Variants in PACRGL observed in about 807,000 individuals in gnomAD.
The protein encoded by PACRGL is PACRG-like protein.
In PACRGL, 38 loss-of-function variants were observed where a neutral mutation model predicts 34.5. The ratio of observed to expected loss-of-function variants is 1.10; its 90% confidence interval spans 0.85 to 1.44. The LOEUF (loss-of-function observed/expected upper bound fraction) is 1.44, where lower values mean the gene tolerates loss of function less well. PACRGL is among the 40% of genes most tolerant of loss of function. The pLI, the probability that PACRGL is intolerant of heterozygous loss-of-function variation, is 0.00. For synonymous variants in PACRGL, 128 were observed against 100.1 expected, an observed-to-expected ratio of 1.28 and a Z score of -1.66; for missense variants, 305 against 281.4, an observed-to-expected ratio of 1.08 and a Z score of -0.60.
intron 7 of PACRGL, among the ~76,000 whole-genome samples, chr4:20,719,951 T>A (rs377545403): frequency 2.0e-5 from 3 of 152,032 alleles, no homozygotes; most frequent in Non-Finnish European, 2.9e-5. Flanking sequence ...CCCATTATTA[T>A]TGTGTGGGAG....
chr4:20,766,272 T>C, the PACRGL span, among the ~76,000 whole-genome samples: 8 of 152,180 alleles, frequency 5.3e-5, no homozygotes, highest in African/African-American at 1.9e-4. Context: ...CTTGAGAGTT[T>C]AAAGCAACTT....
chr4:20,755,690 C>T (rs1238967271), downstream of PACRGL, among the ~76,000 whole-genome samples: 1 of 151,996 alleles, frequency 6.6e-6, no homozygotes, highest in East Asian at 1.9e-4. Flanking sequence ...TAAGGTGTTG[C>T]AATTTAAGAT....
chr4:20,734,153 G>A (rs905678946), downstream of PACRGL, among the ~76,000 whole-genome samples: 7 of 152,060 alleles, frequency 4.6e-5, no homozygotes, highest in African/African-American at 1.7e-4. Flanking sequence ...TGTGTAATAC[G>A]AGTATCTTAA....
At chr4:20,699,516 C>T (rs529051024), upstream of PACRGL, among the ~76,000 whole-genome samples, 1 of 152,096 alleles carries the variant, frequency 6.6e-6, no homozygotes, top group South Asian at 2.1e-4. Flanking sequence ...AGTTAAAATC[C>T]TTATCCTGAG....
chr4:20,736,457 TATG>T (rs2149282156), downstream of PACRGL, among the ~76,000 whole-genome samples: 1 of 152,350 alleles, frequency 6.6e-6, no homozygotes, highest in Non-Finnish European at 1.5e-5. Context: ...TTGATTTCTG[TATG>T]ATAATTTTAT....
In PACRGL at chr4:20,729,993, A is replaced by AGCAATCTATGCTAAAAGTGGTAGCTC. The variant is rs1312970178; in HGVS notation, c.*2653_*2678dup. On this transcript the variant is annotated 3_prime_UTR_variant, in exon 9 of 9. Transcript: ENST00000503585. ...CATAATATGCTTCAGTGTCAAGCTG[A>AGCAATCTATGCTAAAAGTGGTAGCTC]GCAATCTATGCTAAAAGTGGTAGCT... 1.4e-6 allele frequency: 2 copies of AGCAATCTATGCTAAAAGTGGTAGCTC among 1,448,230 alleles called. No homozygotes were observed. The highest frequency in any genetic ancestry group is 2.9e-5 in the African/African-American group (2 of 69,756). The allele number at this position is 1,448,230 out of a possible 1,614,324, so 89.7% of individuals were successfully genotyped here. A position where few individuals can be genotyped will look rare whatever the true frequency, so the allele number is the denominator to read the frequency against.
At chr4:20,753,271 C>T, downstream of PACRGL, among the ~76,000 whole-genome samples, 1 of 152,080 alleles carries the variant, frequency 6.6e-6, no homozygotes, top group East Asian at 1.9e-4. Flanking sequence ...ATTCCTATAC[C>T]ATCTCTTAGA....
intron 5 of PACRGL, among the ~76,000 whole-genome samples, chr4:20,711,290 T>C (rs1231586705): frequency 1.3e-5 from 2 of 152,178 alleles, no homozygotes; most frequent in Non-Finnish European, 2.9e-5. Flanking sequence ...AAAGTCAGCC[T>C]TTTATATACC....
chr4:20,732,062 C>G lies in PACRGL; in HGVS notation c.*4721C>G. 1.2e-6 allele frequency: 2 copies of G among 1,604,140 alleles called. No homozygotes were observed. Among genetic ancestry groups the G allele is most frequent in the Non-Finnish European group, 1.7e-6 (2 of 1,176,750 alleles). ...GTAACAACCCCATCTTTATTTTTGT[C>G]CATTTTCTGTTCAGGAAGAAAACAA... is the stretch of plus-strand genomic sequence containing the variant. On this transcript the variant is annotated 3_prime_UTR_variant, in exon 9 of 9. Coordinates refer to ENST00000503585, the MANE Select transcript of PACRGL (RefSeq NM_001258345.3).
the PACRGL span, among the ~76,000 whole-genome samples, chr4:20,765,670 G>A: frequency 4.6e-5 from 7 of 152,146 alleles, no homozygotes; most frequent in Non-Finnish European, 4.4e-5. Flanking sequence ...GGAGGTCTCT[G>A]GTTCTGCTGG....
intron 1 of PACRGL, 65 bp from the exon 2 acceptor site, chr4:20,704,401 T>C: frequency 1.3e-6 from 2 of 1,483,900 alleles, no homozygotes; most frequent in Non-Finnish European, 9.3e-7. Flanking sequence ...GTTTTGTCTT[T>C]TTATTGATAA....
chr4:20,737,426 A>T (rs929667484), downstream of PACRGL, among the ~76,000 whole-genome samples: 2 of 152,202 alleles, frequency 1.3e-5, no homozygotes, highest in African/African-American at 4.8e-5. Context: ...TGAAGAGAAG[A>T]ATCTAAAAAG....
At chr4:20,733,998 C>T (rs965820141), downstream of PACRGL, among the ~76,000 whole-genome samples, 4 of 152,126 alleles carry the variant, frequency 2.6e-5, no homozygotes, top group Admixed American at 6.6e-5. Flanking sequence ...TCTCGTGAGG[C>T]AAAGAGAGAC....
chr4:20,706,581 CTTTTT>C (rs879864380), intron 3 of PACRGL, among the ~76,000 whole-genome samples: 6 of 145,038 alleles, frequency 4.1e-5, no homozygotes, highest in Non-Finnish European at 7.6e-5. Flanking sequence ...GGAAATGAAT[CTTTTT>C]TTTTTTTTGA....
chr4:20,713,059 T>A (rs1356060181), intron 6 of PACRGL, 137 bp downstream of exon 6: 2 of 964,970 alleles, frequency 2.1e-6, no homozygotes, highest in Middle Eastern at 3.3e-4. Context: ...TCTGACACAT[T>A]TACAGAATTA....
chr4:20,715,866 A>G (rs970298780), intron 7 of PACRGL, among the ~76,000 whole-genome samples: 1 of 152,074 alleles, frequency 6.6e-6, no homozygotes, highest in Non-Finnish European at 1.5e-5. Context: ...CTGCACTTCA[A>G]AAAAAAACCA....
intron 7 of PACRGL, among the ~76,000 whole-genome samples, chr4:20,715,519 T>C (rs1018860558): frequency 6.6e-6 from 1 of 152,064 alleles, no homozygotes; most frequent in African/African-American, 2.4e-5. Flanking sequence ...ATGGACAGTA[T>C]TACTATTTTT....
chr4:20,757,217 TG>T (rs1754551925), downstream of PACRGL, among the ~76,000 whole-genome samples: 1 of 152,188 alleles, frequency 6.6e-6, no homozygotes, highest in African/African-American at 2.4e-5. Flanking sequence ...CTTCCATTTT[TG>T]TCATCTAAAT....
chr4:20,718,362 A>G (rs1741190123), intron 7 of PACRGL, among the ~76,000 whole-genome samples: 1 of 152,138 alleles, frequency 6.6e-6, no homozygotes, highest in Non-Finnish European at 1.5e-5. Context: ...AACTTCCAAC[A>G]CTATGTTGAA....
Sources: allele counts gnomAD v4.1 joint callset (sites outside exome capture counted in the v4.1 genomes callset), GRCh38; gene constraint gnomAD v4.1.1; transcripts MANE v1.5; gene names NCBI Gene and HGNC (gene_info 2026-07-23, HGNC 2026-07-21).